The following MBP variants were observed in gnomAD, a reference collection of about 807,000 sequenced individuals.
The protein encoded by MBP is Golli-MBP.
MBP carries 16 observed loss-of-function variants against 35.8 expected under a neutral mutation model. That is an observed-to-expected ratio of 0.45 (90% CI 0.30 to 0.68). The LOEUF (loss-of-function observed/expected upper bound fraction) is 0.68. Among genes scored for constraint, MBP ranks in the 30% least tolerant of loss-of-function variants. The pLI, the probability that MBP is intolerant of heterozygous loss-of-function variation, is 0.08. For synonymous variants in MBP, 143 were observed against 159.6 expected (o/e 0.90, Z 0.78); for missense variants, 380 against 404.7 (o/e 0.94, Z 0.52).
intron 7 of MBP, chr18:76,986,956 C>T: frequency 2.0e-6 from 2 of 985,434 alleles, no homozygotes; most frequent in Non-Finnish European, 2.4e-6. Context: ...CTCTCTGGAA[C>T]TCCAGACAAG....
chr18:77,012,952 CA>C, intron 4 of MBP: 1 of 985,400 alleles, frequency 1.0e-6, no homozygotes, highest in Non-Finnish European at 1.2e-6. Flanking sequence ...GAGGAAGTTG[CA>C]AAATCACTGC....
chr18:77,126,353 A>C (rs1243640837), intron 1 of MBP, among the ~76,000 whole-genome samples: 3 of 152,218 alleles, frequency 2.0e-5, no homozygotes, highest in Non-Finnish European at 4.4e-5. Context: ...CAGAAAAGAC[A>C]TTTGACAAAA....
intron 3 of MBP, among the ~76,000 whole-genome samples, chr18:77,032,183 A>C (rs953454873): frequency 6.6e-6 from 1 of 152,202 alleles, no homozygotes; most frequent in Non-Finnish European, 1.5e-5. Flanking sequence ...GCCAGGGCCA[A>C]AGAGGACGCT....
Position 76,988,398 on chromosome 18 carries a change from G to A in MBP, c.750+97C>T. On this transcript the variant is annotated intron_variant, in intron 7 of 8. Coordinates refer to ENST00000355994, the MANE Select transcript of MBP (RefSeq NM_001025101.2). The surrounding 1 kb of genome is among the most constrained non-coding windows in gnomAD (Gnocchi z 5.2). ...AGGTCTCGAGAGGAGAGAAAAGGAG[G>A]CCAGGAAGCAACCGAAACAGAGCAG... The A allele has an allele frequency of 6.2e-7, 1 of 1,613,994 alleles. No individual in the cohort carries two copies. Among genetic ancestry groups the A allele is most frequent in the Non-Finnish European group, 8.5e-7 (1 of 1,179,890 alleles).
At chr18:77,042,716 C>T (rs1239670624) in intron 3 of MBP, among the ~76,000 whole-genome samples, 2 of 152,202 alleles carry the variant, frequency 1.3e-5, no homozygotes, top group African/African-American at 2.4e-5. Context: ...GCACAGCGGC[C>T]GGGCCAGGGC....
In MBP at chr18:77,020,214, C is replaced by T. The variant is rs66698064; in HGVS notation, c.140-2946G>A. On this transcript the variant is annotated intron_variant, in intron 3 of 8. Coordinates refer to ENST00000355994, the MANE Select transcript of MBP (RefSeq NM_001025101.2). The surrounding 1 kb of genome is among the most constrained non-coding windows in gnomAD (Gnocchi z 4.1). ...AGAGGGACAGGGACTGGGAGTCTGG[C>T]TGGGACACTAAGGAAAGAAAGGTCT... Among the ~76,000 whole-genome samples the T allele has an allele frequency of 0.15, 22,701 of 151,738 alleles. 1,910 individuals are homozygous for T. Among genetic ancestry groups the T allele is most frequent in the East Asian group, 0.34 (1,741 of 5,118 alleles).
chr18:76,986,728 C>T, intron 7 of MBP: 1 of 985,510 alleles, frequency 1.0e-6, no homozygotes, highest in Non-Finnish European at 1.2e-6. Context: ...CTCTACATGG[C>T]AGAAAGCCAC....
At chr18:77,039,678 C>T (rs968929764) in intron 3 of MBP, among the ~76,000 whole-genome samples, 1 of 152,186 alleles carries the variant, frequency 6.6e-6, no homozygotes, top group Non-Finnish European at 1.5e-5. Flanking sequence ...AGCAGCCTGA[C>T]CTCATCTCTG....
rs35688328 is a variant in MBP at position 76,990,157 on chromosome 18, A to ATTT, written c.577-100_577-98dup. 501 of 604,888 alleles carry ATTT rather than the reference A, an allele frequency of 8.3e-4. 2 individuals carry two copies. Among genetic ancestry groups the ATTT allele is most frequent in the African/African-American group, 6.7e-3 (336 of 50,308 alleles). The allele number at this position is 604,888 out of a possible 1,614,324, so 37.5% of individuals were successfully genotyped here. On this transcript the variant is annotated intron_variant, in intron 4 of 8. Coordinates refer to ENST00000355994, the MANE Select transcript of MBP (RefSeq NM_001025101.2). ...GGATCTCTCCTCCTTTGTAATCTGG[A>ATTT]TTTTTTTTTTTTTTAACAGTCAGGA... is the stretch of plus-strand genomic sequence containing the variant.
intron 3 of MBP, 62 bp from the exon 4 acceptor site, chr18:77,017,330 C>G (rs1472404931): frequency 7.0e-7 from 1 of 1,438,772 alleles, no homozygotes; most frequent in Non-Finnish European, 9.1e-7. Flanking sequence ...GACAAAGCAG[C>G]TTTCTCTGAG....
intron 7 of MBP, chr18:76,987,434 T>A (rs1387696681): frequency 1.0e-6 from 1 of 985,350 alleles, no homozygotes; most frequent in Non-Finnish European, 1.2e-6. Flanking sequence ...TAGTTCATAA[T>A]TCAGTGTAAT....
Position 77,131,228 on chromosome 18 carries a change from T to C in MBP, c.-26+1352A>G, listed in dbSNP as rs1683697015. 6.6e-6 allele frequency among the ~76,000 whole-genome samples: 1 copy of C among 151,936 alleles called. No homozygotes were observed. Among genetic ancestry groups the C allele is most frequent in the Non-Finnish European group, 1.5e-5 (1 of 68,004 alleles). ...CCGGCCCCAACCGCTAAGGAGGTGC[T>C]CATCACTGGAGGTGGCCGCCAGGGA... On this transcript the variant is annotated intron_variant, in intron 1 of 8. Coordinates refer to ENST00000355994, the MANE Select transcript of MBP (RefSeq NM_001025101.2). The surrounding 1 kb of genome is among the most constrained non-coding windows in gnomAD (Gnocchi z 5.5).
At chr18:77,126,092 T>C (rs1376184144) in intron 1 of MBP, among the ~76,000 whole-genome samples, 1 of 152,190 alleles carries the variant, frequency 6.6e-6, no homozygotes, top group Non-Finnish European at 1.5e-5. Flanking sequence ...GTTATCCTGA[T>C]ACTGAAACTA....
intron 1 of MBP, among the ~76,000 whole-genome samples, chr18:77,111,622 G>A (rs924493131): frequency 4.6e-5 from 7 of 152,182 alleles, no homozygotes; most frequent in African/African-American, 2.4e-5. Flanking sequence ...CACCCAGGGC[G>A]GGATTCACCA....
chr18:77,023,392 GC>G (rs1437685844), intron 3 of MBP, among the ~76,000 whole-genome samples: 1 of 152,134 alleles, frequency 6.6e-6, no homozygotes, highest in African/African-American at 2.4e-5. Flanking sequence ...GCCAGGTCCT[GC>G]CACTCCTTCT....
chr18:77,004,284 C>G (rs921314394), intron 4 of MBP: 1 of 152,014 alleles, frequency 6.6e-6, no homozygotes, highest in Non-Finnish European at 1.5e-5. Flanking sequence ...GTGTCCCCCC[C>G]CACTCCCCGC....
intron 3 of MBP, among the ~76,000 whole-genome samples, chr18:77,054,042 G>A (rs1166617646): frequency 1.3e-5 from 2 of 152,230 alleles, no homozygotes; most frequent in Non-Finnish European, 2.9e-5. Flanking sequence ...GAGTGGACGC[G>A]ATGACTGCCC....
chr18:77,051,890 T>C (rs1973502937), intron 3 of MBP, among the ~76,000 whole-genome samples: 2 of 152,058 alleles, frequency 1.3e-5, no homozygotes, highest in African/African-American at 2.4e-5. Context: ...AATTACACAA[T>C]GTTGATGCTA....
chr18:77,042,329 T>G (rs1013976046), intron 3 of MBP, among the ~76,000 whole-genome samples: 16 of 152,184 alleles, frequency 1.1e-4, no homozygotes, highest in Non-Finnish European at 1.8e-4. Flanking sequence ...GATCTGACTC[T>G]CAGCCCTGGG....
Sources: allele counts gnomAD v4.1 joint callset (sites outside exome capture counted in the v4.1 genomes callset), GRCh38; gene constraint gnomAD v4.1.1; non-coding constraint Gnocchi (gnomAD v3.1); transcripts MANE v1.5; gene names NCBI Gene and HGNC (gene_info 2026-07-23, HGNC 2026-07-21).